CD177: variants seen among roughly 807,000 people sequenced by gnomAD.
CD177 encodes CD177 molecule.
A neutral mutation model predicts 38.1 loss-of-function variants in CD177; 41 were observed. That is an observed-to-expected ratio of 1.07 (90% CI 0.84 to 1.39). CD177 has a LOEUF of 1.39. Among genes scored for constraint, CD177 ranks in the 40% most tolerant of loss-of-function variants. CD177 has a pLI of 0.00. For synonymous variants in CD177, 236 were observed against 216.7 expected, an observed-to-expected ratio of 1.09 and a Z score of -0.78; for missense variants, 619 against 523.8, an observed-to-expected ratio of 1.18 and a Z score of -1.77.
In CD177 at chr19:43,362,325, AT is replaced by A; in HGVS notation, c.*7del. 1 of 1,375,242 alleles carries A rather than the reference AT, an allele frequency of 7.3e-7. No homozygotes were observed. The highest frequency in any genetic ancestry group is 1.0e-6 in the Non-Finnish European group (1 of 984,236). The allele number at this position is 1,375,242 out of a possible 1,614,324, so 85.2% of individuals were successfully genotyped here. On this transcript the variant is annotated 3_prime_UTR_variant, in exon 9 of 9. Coordinates refer to ENST00000618265, the MANE Select transcript of CD177 (RefSeq NM_020406.4). ...GTGGTTTGCCCTTCCTGCTAACTCT[AT>A]TACCCCCACGATTCTTCACCGCTGC...
chr19:43,353,893 T>A lies in CD177; in HGVS notation c.93T>A (p.His31Gln). ...ALLCQFGTVQ[H>Q]VWKVSDLPRQ... ...TCTGCCAGTTTGGGACAGTTCAGCATGTGTGGAAGGTGTCCGACCTGCCCC... is the reference window on the plus strand; with the variant it reads ...TCTGCCAGTTTGGGACAGTTCAGCAAGTGTGGAAGGTGTCCGACCTGCCCC... Residue 31 changes from histidine to glutamine, a missense_variant, in exon 2 of 9, where the codon CAT becomes CAA. Coordinates refer to ENST00000618265, the MANE Select transcript of CD177 (RefSeq NM_020406.4). 1 of 1,613,870 alleles carries A rather than the reference T, an allele frequency of 6.2e-7. No individual in the cohort carries two copies. Among genetic ancestry groups the A allele is most frequent in the South Asian group, 1.1e-5 (1 of 91,086 alleles).
chr19:43,360,409 C>T lies in CD177; in HGVS notation c.760+4C>T, dbSNP rs749343349. 15 of 1,590,166 alleles carry T rather than the reference C, an allele frequency of 9.4e-6. No individual in the cohort carries two copies. The highest frequency in any genetic ancestry group is 3.6e-5 in the Admixed American group (2 of 56,012). On this transcript the variant is annotated splice_donor_region_variant and intron_variant, in intron 6 of 8. Coordinates refer to ENST00000618265, the MANE Select transcript of CD177 (RefSeq NM_020406.4). Reference sequence around the variant, plus strand: ...ACGCTGCTGCTCCTAGATGTAGGTACGTGGACTGAGGTAGAAGACGAACAC... The same window carrying T: ...ACGCTGCTGCTCCTAGATGTAGGTATGTGGACTGAGGTAGAAGACGAACAC...
chr19:43,363,000 T>A lies in CD177; in HGVS notation c.*680T>A, dbSNP rs2122256767. The A allele has an allele frequency of 6.6e-6, 1 of 152,196 alleles. No homozygotes were observed. Among genetic ancestry groups the A allele is most frequent in the South Asian group, 2.1e-4 (1 of 4,816 alleles). The allele number at this position is 152,196 out of a possible 1,614,324, so 9.4% of individuals were successfully genotyped here. A position where few individuals can be genotyped will look rare whatever the true frequency, so the allele number is the denominator to read the frequency against. ...CACCAACCCAGATGGTACAGCCCAA[T>A]ACACACCCAGGATGGACGCTAGAGT... On this transcript the variant is annotated 3_prime_UTR_variant, in exon 9 of 9. Coordinates refer to ENST00000618265, the MANE Select transcript of CD177 (RefSeq NM_020406.4).
At chr19:43,360,206 T>C in intron 5 of CD177, 59 bp from the exon 6 acceptor site, 2 of 1,584,794 alleles carry the variant, frequency 1.3e-6, no homozygotes, top group Non-Finnish European at 1.7e-6. Context: ...GCCCAGGACG[T>C]GGAGGGACAG....
At chr19:43,354,707 T>C (rs192811500) in intron 3 of CD177, among the ~76,000 whole-genome samples, 3 of 152,202 alleles carry the variant, frequency 2.0e-5, no homozygotes, top group African/African-American at 7.2e-5. Context: ...TTTTATTCTG[T>C]TGCGTTTGGT....
rs763797835 is a variant in CD177 at position 43,353,769 on chromosome 19, G to A, written c.52+3G>A. On this transcript the variant is annotated splice_donor_region_variant and intron_variant, in intron 1 of 8. Coordinates refer to ENST00000618265, the MANE Select transcript of CD177 (RefSeq NM_020406.4). ...GGGGTTCATCCTCCCACTGCCAGGTGAGTGATGAGCCCAGCCTGGAGGAGA... is the reference window on the plus strand; with the variant it reads ...GGGGTTCATCCTCCCACTGCCAGGTAAGTGATGAGCCCAGCCTGGAGGAGA... The A allele has an allele frequency of 1.2e-6, 2 of 1,613,956 alleles. No individual in the cohort carries two copies. The highest frequency in any genetic ancestry group is 1.7e-6 in the Non-Finnish European group (2 of 1,179,870).
Position 43,355,703 on chromosome 19 carries a change from G to C in CD177, c.422G>C (p.Gly141Ala), listed in dbSNP as rs765486985. Residue 141 changes from glycine to alanine, a missense_variant, in exon 4 of 9, where the codon GGC (glycine) becomes GCC (alanine). Physicochemically the swap from Gly to Ala is moderately conservative, Grantham distance 60. Coordinates refer to ENST00000618265, the MANE Select transcript of CD177 (RefSeq NM_020406.4). ...LRCPVCLSME[G>A]CLEGTTEEIC... ...TGCCCAGTCTGCTTGTCTATGGAAG[G>C]CTGTCTGGAGGGGACAACAGAAGAG... 6.2e-7 allele frequency: 1 copy of C among 1,612,966 alleles called. No individual in the cohort carries two copies. Among genetic ancestry groups the C allele is most frequent in the Non-Finnish European group, 8.5e-7 (1 of 1,179,348 alleles).
At chr19:43,363,498 A>T (rs1314042327), downstream of CD177, among the ~76,000 whole-genome samples, 3 of 152,192 alleles carry the variant, frequency 2.0e-5, no homozygotes, top group African/African-American at 7.2e-5. Flanking sequence ...TCTCAGGCTG[A>T]AAAACGCGTC....
intron 3 of CD177, 149 bp downstream of exon 3, chr19:43,354,541 C>G: frequency 1.3e-6 from 1 of 752,654 alleles, no homozygotes; most frequent in Non-Finnish European, 2.2e-6. Flanking sequence ...CCCTGACCAT[C>G]GCCCCGCCCC....
chr19:43,354,140 C>T, intron 2 of CD177, 67 bp from the exon 3 acceptor site: 2 of 1,571,472 alleles, frequency 1.3e-6, no homozygotes, highest in South Asian at 1.1e-5. Flanking sequence ...CGCCGTGTAG[C>T]AGCGTCTCCC....
At chr19:43,361,635 G>C in intron 8 of CD177, 56 bp downstream of exon 8, 1 of 1,528,430 alleles carries the variant, frequency 6.5e-7, no homozygotes, top group Non-Finnish European at 8.9e-7. Context: ...TGGACTCCTG[G>C]GTCTGAGGGA....
At chr19:43,361,688 G>T (rs28464741) in intron 8 of CD177, 109 bp downstream of exon 8, 472,093 of 1,139,938 alleles carry the variant, frequency 0.41, 101,653 homozygotes, top group African/African-American at 0.58. Context: ...GGGAGGAGGC[G>T]CTGGGGGCCT....
intron 2 of CD177, 73 bp from the exon 3 acceptor site, chr19:43,354,134 G>A (rs143548827): frequency 1.9e-6 from 3 of 1,568,136 alleles, no homozygotes; most frequent in South Asian, 1.2e-5. Context: ...AGCCTACGCC[G>A]TGTAGCAGCG....
intron 6 of CD177, 139 bp downstream of exon 6, chr19:43,360,544 G>A: frequency 1.1e-6 from 1 of 873,014 alleles, no homozygotes; most frequent in Non-Finnish European, 1.7e-6. Context: ...TCTTCTCTCT[G>A]CATCTTGGGT....
downstream of CD177, among the ~76,000 whole-genome samples, chr19:43,364,308 G>A (rs985488000): frequency 6.6e-6 from 1 of 152,192 alleles, no homozygotes; most frequent in African/African-American, 2.4e-5. Flanking sequence ...CTTTCTTCCA[G>A]TACATTCCAC....
Position 43,354,344 on chromosome 19 carries a change from A to G in CD177, c.331A>G (p.Asn111Asp), listed in dbSNP as rs1458135015. 1.2e-6 allele frequency: 2 copies of G among 1,613,906 alleles called. No individual in the cohort carries two copies. Among genetic ancestry groups the G allele is most frequent in the South Asian group, 2.2e-5 (2 of 91,078 alleles). ...CGTGTGCCGCCAGGAGGACTTCTGCAACAACCTCGTTAACTCCCTCCCGCT... is the reference window on the plus strand; with the variant it reads ...CGTGTGCCGCCAGGAGGACTTCTGCGACAACCTCGTTAACTCCCTCCCGCT... The part of the protein sequence containing the change: ...TFVCRQEDFC[N>D]NLVNSLPLWA... Residue 111 changes from asparagine (N) to aspartate (D), a missense_variant, in exon 3 of 9, where the codon AAC (asparagine) becomes GAC (aspartate). By Grantham distance (23) the Asn-to-Asp change is conservative. Transcript: ENST00000618265.
At position 43,361,570 on chromosome 19, in the gene CD177, C is replaced by T. The variant is rs61002457; in HGVS notation, c.1072C>T (p.Leu358Phe). The T allele has an allele frequency of 6.4e-7, 1 of 1,566,864 alleles. No homozygotes were observed. Among genetic ancestry groups the T allele is most frequent in the African/African-American group, 1.4e-5 (1 of 73,410 alleles). The change falls in exon 8 of 9, where the codon CTC (leucine) becomes TTC (phenylalanine). Residue 358 changes from leucine to phenylalanine, a missense_variant. Physicochemically the swap from Leu to Phe is conservative, Grantham distance 22. Transcript: ENST00000618265. ...ATHCYDGYIHLSGGGLSTKMS... is the reference protein window; with the variant it reads ...ATHCYDGYIHFSGGGLSTKMS... ...TCATTGTTATGATGGGTACATTCAT[C>T]TCTCAGGAGGTGAGTGCTGCAAGCA...
In CD177 at chr19:43,354,209, C is replaced by T. The variant is rs1286866158; in HGVS notation, c.196C>T (p.Pro66Ser). The part of the protein sequence containing the change: ...QDTLMLIESG[P>S]QVSLVLSKGC... ...CTTGCCTCCCTCTTTCGGTCCAGGA[C>T]CCCAAGTGAGCCTGGTGCTCTCCAA... is the stretch of plus-strand genomic sequence containing the variant. The change falls in exon 3 of 9, where the codon CCC becomes TCC. Residue 66 changes from proline to serine, a missense_variant and splice_region_variant. Pro to Ser is a moderately conservative substitution (Grantham distance 74). Transcript: ENST00000618265. 1 of 1,612,394 alleles carries T rather than the reference C, an allele frequency of 6.2e-7. No homozygotes were observed. Among genetic ancestry groups the T allele is most frequent in the Non-Finnish European group, 8.5e-7 (1 of 1,179,336 alleles).
At chr19:43,360,098 T>A (rs1316934364) in intron 5 of CD177, among the ~76,000 whole-genome samples, 167 bp from the exon 6 acceptor site, 1 of 151,144 alleles carries the variant, frequency 6.6e-6, no homozygotes, top group African/African-American at 2.4e-5. Flanking sequence ...ACAATGGGGG[T>A]GGGATTTCGA....
Sources: allele counts gnomAD v4.1 joint callset (sites outside exome capture counted in the v4.1 genomes callset), GRCh38; gene constraint gnomAD v4.1.1; transcripts MANE v1.5; gene names NCBI Gene and HGNC (gene_info 2026-07-23, HGNC 2026-07-21).